Variants in ARHGAP22 observed in about 807,000 individuals in gnomAD.
ARHGAP22 encodes the protein Rho GTPase activating protein 22.
In ARHGAP22, 48 loss-of-function variants were observed where a neutral mutation model predicts 59.1. That is an observed-to-expected ratio of 0.81 (90% CI 0.64 to 1.03). The LOEUF is 1.03. ARHGAP22 is among the 50% of genes least tolerant of loss of function. ARHGAP22 has a pLI of 0.00. For missense variants in ARHGAP22, 1,015 were observed against 958.7 expected, an observed-to-expected ratio of 1.06 and a Z score of -0.78; for synonymous variants, 445 against 416.4, an observed-to-expected ratio of 1.07 and a Z score of -0.84.
At chr10:48,495,199 T>G (rs10776610) in intron 3 of ARHGAP22, among the ~76,000 whole-genome samples, 39,851 of 152,042 alleles carry the variant, frequency 0.26, 5,385 homozygotes, top group South Asian at 0.36. Context: ...CAGGGTTCAG[T>G]GAATGGCAGC....
chr10:48,459,120 G>A (rs1320417012), intron 5 of ARHGAP22, among the ~76,000 whole-genome samples: 1 of 149,166 alleles, frequency 6.7e-6, no homozygotes, highest in Non-Finnish European at 1.5e-5. Flanking sequence ...TCCCCAAACG[G>A]CCCTAGGCTG....
At chr10:48,462,232 T>A (rs2047206824) in intron 4 of ARHGAP22, among the ~76,000 whole-genome samples, 1 of 88,976 alleles carries the variant, frequency 1.1e-5, no homozygotes, top group African/African-American at 4.6e-5. Flanking sequence ...TGTGCATGGG[T>A]ATGCACACTT....
intron 1 of ARHGAP22, among the ~76,000 whole-genome samples, chr10:48,646,724 A>G (rs1014460344): frequency 6.6e-6 from 1 of 152,260 alleles, no homozygotes; most frequent in Non-Finnish European, 1.5e-5. Context: ...TACTATATAC[A>G]AAAATTAACT....
At chr10:48,587,849 T>C (rs1378355376) in intron 1 of ARHGAP22, among the ~76,000 whole-genome samples, 3 of 152,198 alleles carry the variant, frequency 2.0e-5, no homozygotes, top group African/African-American at 7.2e-5. Flanking sequence ...CATTAGGAGC[T>C]CAACAAAAAC....
intron 2 of ARHGAP22, among the ~76,000 whole-genome samples, chr10:48,557,269 T>C (rs1221319703): frequency 6.6e-6 from 1 of 152,172 alleles, no homozygotes; most frequent in Non-Finnish European, 1.5e-5. Context: ...GCTGTTTCAG[T>C]AACAGAGTCC....
intron 1 of ARHGAP22, among the ~76,000 whole-genome samples, chr10:48,643,405 A>G (rs747127996): frequency 2.0e-5 from 3 of 152,196 alleles, no homozygotes; most frequent in Non-Finnish European, 4.4e-5. Flanking sequence ...TGTATAAACC[A>G]TGGAATACTA....
intron 1 of ARHGAP22, among the ~76,000 whole-genome samples, chr10:48,627,150 G>A (rs745462068): frequency 5.5e-4 from 84 of 152,296 alleles, no homozygotes; most frequent in African/African-American, 1.9e-3. Flanking sequence ...CTGGCCCTAC[G>A]CATTTCCTGC....
At chr10:48,642,827 A>G (rs372734083) in intron 1 of ARHGAP22, among the ~76,000 whole-genome samples, 7 of 152,206 alleles carry the variant, frequency 4.6e-5, no homozygotes, top group African/African-American at 1.4e-4. Context: ...GAAAATTTTT[A>G]CAATCTACTC....
At chr10:48,602,051 T>G (rs1028430459) in intron 1 of ARHGAP22, among the ~76,000 whole-genome samples, 1 of 152,248 alleles carries the variant, frequency 6.6e-6, no homozygotes, top group Non-Finnish European at 1.5e-5. Context: ...CTTCTACATC[T>G]GTCAAAATGG....
At chr10:48,482,856 C>T (rs2134116668) in intron 3 of ARHGAP22, among the ~76,000 whole-genome samples, 1 of 152,182 alleles carries the variant, frequency 6.6e-6, no homozygotes, top group Non-Finnish European at 1.5e-5. Context: ...TATTGTTACT[C>T]TACCCTGCTA....
the ARHGAP22 span, chr10:48,437,182 G>T: frequency 1.3e-5 from 2 of 152,198 alleles, no homozygotes; most frequent in African/African-American, 4.8e-5. Context: ...TCATTACTTA[G>T]TGTAAACTAA....
downstream of ARHGAP22, chr10:48,444,276 G>T (rs2045271560): frequency 6.6e-6 from 1 of 152,166 alleles, no homozygotes; most frequent in Non-Finnish European, 1.5e-5. Context: ...ACCAGGTTCA[G>T]CAAATGTAAC....
intron 3 of ARHGAP22, among the ~76,000 whole-genome samples, chr10:48,487,431 G>A (rs2049967974): frequency 6.6e-6 from 1 of 152,138 alleles, no homozygotes; most frequent in Non-Finnish European, 1.5e-5. Flanking sequence ...TATCCAAGTG[G>A]GCTCAAGGTA....
At chr10:48,527,613 A>C (rs969302425) in intron 3 of ARHGAP22, among the ~76,000 whole-genome samples, 17 of 152,316 alleles carry the variant, frequency 1.1e-4, no homozygotes, top group Admixed American at 3.3e-4. Flanking sequence ...AAATAAACAG[A>C]AGAATGGGTA....
At chr10:48,468,964 C>T (rs750951430) in intron 4 of ARHGAP22, among the ~76,000 whole-genome samples, 60 of 152,280 alleles carry the variant, frequency 3.9e-4, no homozygotes, top group Non-Finnish European at 6.9e-4. Context: ...ATTCCCACGG[C>T]CCAGGGACCT....
At chr10:48,571,725 C>T (rs1379191735) in intron 2 of ARHGAP22, among the ~76,000 whole-genome samples, 2 of 152,206 alleles carry the variant, frequency 1.3e-5, no homozygotes, top group African/African-American at 2.4e-5. Flanking sequence ...GATGTTTCTT[C>T]TGCTCTATAT....
Position 48,450,275 on chromosome 10 carries a change from C to G in ARHGAP22, c.1854G>C (p.Glu618Asp), listed in dbSNP as rs1229192882. 2.1e-5 allele frequency: 34 copies of G among 1,609,886 alleles called. No individual in the cohort carries two copies. Among genetic ancestry groups the G allele is most frequent in the Non-Finnish European group, 2.8e-5 (33 of 1,178,736 alleles). The change falls in exon 9 of 10, where the codon GAG becomes GAC. Residue 618 changes from glutamate to aspartate, a missense_variant. Transcript: ENST00000249601. ...AELCRQRTEY[E>D]RSVKRIEEGS... ...CAGCAAGTTACCTTTTCACACTCCT[C>G]TCGTACTCAGTCCGCTGGCGGCACA...
chr10:48,511,116 C>G (rs1025755472), intron 3 of ARHGAP22, among the ~76,000 whole-genome samples: 2 of 152,182 alleles, frequency 1.3e-5, no homozygotes, highest in Non-Finnish European at 2.9e-5. Context: ...ATGCACGGCA[C>G]GGCAGCCAGG....
chr10:48,513,796 T>C (rs2053024929), intron 3 of ARHGAP22, among the ~76,000 whole-genome samples: 1 of 152,126 alleles, frequency 6.6e-6, no homozygotes, highest in Non-Finnish European at 1.5e-5. Flanking sequence ...TAGCAGTCCA[T>C]ATAAACTGTC....
Sources: allele counts gnomAD v4.1 joint callset (sites outside exome capture counted in the v4.1 genomes callset), GRCh38; gene constraint gnomAD v4.1.1; transcripts MANE v1.5; gene names NCBI Gene and HGNC (gene_info 2026-07-23, HGNC 2026-07-21).